The following SPRY3 variants were observed in gnomAD, a reference collection of about 807,000 sequenced individuals.
SPRY3 encodes sprouty RTK signaling antagonist 3, also known as protein sprouty homolog 3.
In SPRY3, 15 loss-of-function variants were observed where a neutral mutation model predicts 20.2. That is an observed-to-expected ratio of 0.74 (90% confidence interval 0.50 to 1.14). The LOEUF (loss-of-function observed/expected upper bound fraction) is 1.14. Among genes scored for constraint, SPRY3 ranks in the 50% most tolerant of loss-of-function variants. The probability of loss-of-function intolerance (pLI) is 0.00; values close to 1 mark genes in which losing one functional copy is unlikely to be tolerated. For missense variants in SPRY3, 364 were observed against 363.9 expected (o/e 1.00, Z 0.00); for synonymous variants, 143 against 136.5 (o/e 1.05, Z -0.33).
chrX:155,769,590 A>G (rs2091368696), intron 3 of SPRY3, among the ~76,000 whole-genome samples: 1 of 152,082 alleles, frequency 6.6e-6, no homozygotes, highest in East Asian at 1.9e-4. Flanking sequence ...TCTTCTTACA[A>G]TTTTCCTCAG....
At chrX:155,638,386 G>C (rs2067931460) in intron 1 of SPRY3, among the ~76,000 whole-genome samples, 1 of 82,384 alleles carries the variant, frequency 1.2e-5, no homozygotes, top group Non-Finnish European at 2.2e-5. Context: ...TTTTAAAAAA[G>C]AGGAAAGAAA....
At chrX:155,708,868 A>G (rs113068956) in intron 2 of SPRY3, among the ~76,000 whole-genome samples, 3 of 151,318 alleles carry the variant, frequency 2.0e-5, no homozygotes, top group African/African-American at 7.3e-5. Flanking sequence ...TTTGGTACCC[A>G]TTAACCATCC....
chrX:155,770,086 C>T (rs1198046994), intron 3 of SPRY3, among the ~76,000 whole-genome samples: 1 of 152,086 alleles, frequency 6.6e-6, no homozygotes, highest in Non-Finnish European at 1.5e-5. Flanking sequence ...AGCAACACAC[C>T]TAAGAGCCGT....
At chrX:155,625,318 C>A (rs1470399060) in intron 1 of SPRY3, among the ~76,000 whole-genome samples, 1 of 111,338 alleles carries the variant, frequency 9.0e-6, no homozygotes, top group Non-Finnish European at 1.9e-5. Flanking sequence ...TTTGTTTCAT[C>A]TAGATTATTT....
intron 2 of SPRY3, among the ~76,000 whole-genome samples, chrX:155,729,864 A>C (rs966183607): frequency 1.2e-4 from 18 of 152,160 alleles, no homozygotes; most frequent in African/African-American, 3.6e-4. Context: ...ATAAGATGAA[A>C]AAGGAAATAT....
At chrX:155,717,031 C>T (rs1420977347) in intron 2 of SPRY3, among the ~76,000 whole-genome samples, 1 of 121,362 alleles carries the variant, frequency 8.2e-6, no homozygotes, top group African/African-American at 3.1e-5. Flanking sequence ...TGGCAGCATG[C>T]GCCTGTATTC....
intron 2 of SPRY3, among the ~76,000 whole-genome samples, chrX:155,661,375 T>C (rs193146418): frequency 2.6e-4 from 29 of 112,160 alleles, no homozygotes; most frequent in Admixed American, 2.5e-3. Flanking sequence ...TTATGGCTTA[T>C]AAGGGTTCTG....
At chrX:155,769,537 G>GT (rs993942405) in intron 3 of SPRY3, among the ~76,000 whole-genome samples, 4 of 125,502 alleles carry the variant, frequency 3.2e-5, no homozygotes, top group African/African-American at 1.1e-4. Flanking sequence ...AAGGATTTGA[G>GT]TTTTTAAAAA....
At chrX:155,770,444 G>A (rs1333617026) in intron 3 of SPRY3, among the ~76,000 whole-genome samples, 2 of 152,038 alleles carry the variant, frequency 1.3e-5, no homozygotes, top group Non-Finnish European at 1.5e-5. Flanking sequence ...CAAATTCAGG[G>A]CTACAGAAAA....
chrX:155,735,452 C>T lies in SPRY3; in HGVS notation c.-281-32510C>T, dbSNP rs1367540454. On this transcript the variant is annotated intron_variant, in intron 2 of 3. Coordinates refer to ENST00000675360, the Ensembl canonical transcript of SPRY3. ...TTCCAACTATAAAAGTGGATTATTTCTTGCAGTTCTATCAGTTTTGGCCTC... is the reference window on the plus strand; with the variant it reads ...TTCCAACTATAAAAGTGGATTATTTTTTGCAGTTCTATCAGTTTTGGCCTC... Among the ~76,000 whole-genome samples, 5 of 151,942 alleles carry T rather than the reference C, an allele frequency of 3.3e-5. No homozygotes were observed. The South Asian group carries it at 1.0e-3, about 32-fold the overall frequency.
chrX:155,668,391 G>T (rs1482878729), intron 2 of SPRY3, among the ~76,000 whole-genome samples: 4 of 110,642 alleles, frequency 3.6e-5, no homozygotes, highest in Non-Finnish European at 5.7e-5. Flanking sequence ...TCTGAATAGG[G>T]GTTACCTCTT....
chrX:155,762,379 T>A (rs1467269741), intron 2 of SPRY3, among the ~76,000 whole-genome samples: 4 of 152,206 alleles, frequency 2.6e-5, no homozygotes, highest in Non-Finnish European at 4.4e-5. Flanking sequence ...AAGAGAAGTA[T>A]AACTACATTG....
intron 2 of SPRY3, among the ~76,000 whole-genome samples, chrX:155,668,845 C>A (rs2068032189): frequency 9.0e-6 from 1 of 110,670 alleles, no homozygotes; most frequent in South Asian, 3.8e-4. Flanking sequence ...TTAGGATATT[C>A]TATTTCTGCC....
chrX:155,752,344 A>G (rs1322593402), intron 2 of SPRY3, among the ~76,000 whole-genome samples: 1 of 151,718 alleles, frequency 6.6e-6, no homozygotes, highest in African/African-American at 2.4e-5. Context: ...GCACAAGGAG[A>G]TAAGGCACAA....
chrX:155,766,245 C>G (rs937174617), intron 2 of SPRY3, among the ~76,000 whole-genome samples: 2 of 152,098 alleles, frequency 1.3e-5, no homozygotes, highest in Non-Finnish European at 2.9e-5. Flanking sequence ...ACCCACACAG[C>G]CGTACTTTTT....
exon 4 of SPRY3, chrX:155,774,341 C>T (rs2091406668): frequency 1.2e-6 from 2 of 1,614,020 alleles, no homozygotes; most frequent in Non-Finnish European, 1.7e-6. Context: ...AAGTGCGTCC[C>T]CTGCACAGCA....
chrX:155,744,584 A>T (rs1201490146), intron 2 of SPRY3, among the ~76,000 whole-genome samples: 1 of 152,122 alleles, frequency 6.6e-6, no homozygotes, highest in Non-Finnish European at 1.5e-5. Context: ...CATGCTGTAC[A>T]GAAAAATACT....
At chrX:155,739,671 A>C (rs1419112261) in intron 2 of SPRY3, among the ~76,000 whole-genome samples, 5 of 152,098 alleles carry the variant, frequency 3.3e-5, no homozygotes, top group Non-Finnish European at 7.4e-5. Context: ...TGAGGGAGGG[A>C]CCAAGGTGAC....
chrX:155,745,938 G>A (rs1315709269), intron 2 of SPRY3, among the ~76,000 whole-genome samples: 3 of 151,994 alleles, frequency 2.0e-5, no homozygotes, highest in Non-Finnish European at 4.4e-5. Flanking sequence ...ATAAGAGCGA[G>A]CGTTACACTT....
Sources: allele counts gnomAD v4.1 joint callset (sites outside exome capture counted in the v4.1 genomes callset), GRCh38; gene constraint gnomAD v4.1.1; transcripts MANE v1.5; gene names NCBI Gene and HGNC (gene_info 2026-07-23, HGNC 2026-07-21).